Variants in IL5 observed in about 807,000 individuals in gnomAD.
The protein encoded by IL5 is interleukin-5.
IL5 carries 12 observed loss-of-function variants against 16.3 expected under a neutral mutation model. The observed-to-expected ratio is 0.74, with a 90% confidence interval of 0.47 to 1.20. IL5 has a LOEUF of 1.20. IL5 is among the 50% of genes most tolerant of loss of function. The pLI is 0.00. For synonymous variants in IL5, 54 were observed against 56.6 expected (o/e 0.95, Z 0.21); for missense variants, 159 against 153.9 (o/e 1.03, Z -0.17).
intron 1 of IL5, among the ~76,000 whole-genome samples, chr5:132,549,521 TAGAA>T (rs1366914950): frequency 4.6e-5 from 7 of 152,280 alleles, no homozygotes; most frequent in African/African-American, 9.6e-5. Flanking sequence ...TTTAGGGAAA[TAGAA>T]AGAAATAAAC....
rs763948549 is a variant in IL5 at position 132,542,023 on chromosome 5, C to T, written c.298G>A (p.Gly100Ser). The T allele has an allele frequency of 1.2e-5, 20 of 1,613,568 alleles. No homozygotes were observed. Among genetic ancestry groups the T allele is most frequent in the South Asian group, 1.1e-5 (1 of 91,024 alleles). ...NLSLIKKYID[G>S]QKKKCGEERR... The stretch of plus-strand genomic sequence containing the variant: ...GAATGTGTGTAACTTACTTTTTGGC[C>T]GTCAATGTATTTCTTTATTAAGGAC... Residue 100 changes from glycine to serine, a missense_variant, in exon 3 of 4, where the codon GGC (glycine) becomes AGC (serine). Gly to Ser is a moderately conservative substitution (Grantham distance 56). Transcript: ENST00000231454.
At chr5:132,555,783 G>A (rs914056728) in intron 1 of IL5, among the ~76,000 whole-genome samples, 1 of 152,158 alleles carries the variant, frequency 6.6e-6, no homozygotes, top group Non-Finnish European at 1.5e-5. Flanking sequence ...CCAAAGTGCT[G>A]GGATTACAGG....
intron 1 of IL5, among the ~76,000 whole-genome samples, chr5:132,552,225 C>T (rs928337943): frequency 1.1e-4 from 17 of 151,620 alleles, no homozygotes; most frequent in Non-Finnish European, 8.9e-5. Flanking sequence ...GCCGAGATTG[C>T]GCCACTGCAC....
Position 132,541,775 on chromosome 5 carries a change from C to T in IL5, c.*36G>A. 2 of 1,395,412 alleles carry T rather than the reference C, an allele frequency of 1.4e-6. No homozygotes were observed. Among genetic ancestry groups the T allele is most frequent in the Non-Finnish European group, 2.0e-6 (2 of 986,552 alleles). 86.4% of individuals were successfully genotyped at this position (1,395,412 alleles called of 1,614,324 possible). A position where few individuals can be genotyped will look rare whatever the true frequency, so the allele number is the denominator to read the frequency against. On this transcript the variant is annotated 3_prime_UTR_variant, in exon 4 of 4. Coordinates refer to ENST00000231454, the MANE Select transcript of IL5 (RefSeq NM_000879.3). The stretch of plus-strand genomic sequence containing the variant: ...CTCACTGCAGTAAAATGTCCTTCTC[C>T]TCCAAAATCTTTGGCTGCAACAAAC...
upstream of IL5, among the ~76,000 whole-genome samples, chr5:132,547,592 A>C (rs935939425): frequency 3.3e-5 from 5 of 152,220 alleles, no homozygotes; most frequent in African/African-American, 9.7e-5. Flanking sequence ...CAACGGGCAC[A>C]ACTAAGGGAA....
chr5:132,544,875 G>A (rs1045900932), upstream of IL5, among the ~76,000 whole-genome samples: 1 of 152,198 alleles, frequency 6.6e-6, no homozygotes, highest in Non-Finnish European at 1.5e-5. Context: ...AGTAGAGGCA[G>A]CTGGGAGGTA....
In IL5 at chr5:132,554,134, G is replaced by A. The variant is rs190993543; in HGVS notation, c.42+2540C>T. On this transcript the variant is annotated intron_variant, in intron 1 of 2. Transcript: ENST00000450655. ...TGTAATCCCAGCACTTTGGGAGGCC[G>A]AGGCGGGTGGATCACAAGGTTAGGA... 3.0e-4 allele frequency among the ~76,000 whole-genome samples: 46 copies of A among 151,974 alleles called. 1 individual carries two copies. The East Asian group carries it at 8.7e-3, about 29-fold the overall frequency.
intron 2 of IL5, among the ~76,000 whole-genome samples, 176 bp from the exon 3 acceptor site, chr5:132,542,319 G>A (rs1749710631): frequency 6.6e-6 from 1 of 152,054 alleles, no homozygotes; most frequent in Non-Finnish European, 1.5e-5. Context: ...GGTCCACAAA[G>A]TTAGGCTTTG....
chr5:132,552,191 C>A (rs919704737), intron 1 of IL5, among the ~76,000 whole-genome samples: 2 of 152,094 alleles, frequency 1.3e-5, no homozygotes, highest in East Asian at 1.9e-4. Flanking sequence ...ATCGCTTGAA[C>A]CCGGGAGGCA....
chr5:132,555,136 G>A (rs1749953501), intron 1 of IL5, among the ~76,000 whole-genome samples: 1 of 152,144 alleles, frequency 6.6e-6, no homozygotes, highest in Non-Finnish European at 1.5e-5. Context: ...GGCCCAGCTC[G>A]GGTGGTAATG....
intron 1 of IL5, among the ~76,000 whole-genome samples, chr5:132,548,980 C>T (rs1344404328): frequency 1.3e-5 from 2 of 152,246 alleles, no homozygotes; most frequent in Admixed American, 6.5e-5. Context: ...TGTTATACAT[C>T]GTTTCCCTTA....
chr5:132,548,185 C>T (rs528358054), upstream of IL5, among the ~76,000 whole-genome samples: 36 of 148,842 alleles, frequency 2.4e-4, no homozygotes, highest in South Asian at 6.6e-3. Flanking sequence ...CAATCGGGCC[C>T]AAGAGTTTAA....
chr5:132,549,409 T>G (rs1220405721), intron 1 of IL5, among the ~76,000 whole-genome samples: 1 of 152,204 alleles, frequency 6.6e-6, no homozygotes, highest in Non-Finnish European at 1.5e-5. Context: ...ACAGGAGTTC[T>G]TTGGCAGAAC....
intron 1 of IL5, among the ~76,000 whole-genome samples, chr5:132,555,672 T>C (rs1749968650): frequency 6.6e-6 from 1 of 152,162 alleles, no homozygotes. Flanking sequence ...CCTGCCACCA[T>C]GCCCGGCTAA....
intron 1 of IL5, among the ~76,000 whole-genome samples, chr5:132,550,597 C>T (rs1369531141): frequency 6.7e-6 from 1 of 148,786 alleles, no homozygotes; most frequent in Non-Finnish European, 1.5e-5. Flanking sequence ...GCTGGGATTA[C>T]AGGTGTGAGC....
chr5:132,543,570 A>G, upstream of IL5: 1 of 1,323,548 alleles, frequency 7.6e-7, no homozygotes, highest in South Asian at 1.7e-5. Flanking sequence ...CTTTGAGGAA[A>G]TGAATAATTT....
chr5:132,545,113 G>A (rs1749763153), upstream of IL5, among the ~76,000 whole-genome samples: 1 of 152,164 alleles, frequency 6.6e-6, no homozygotes, highest in Admixed American at 6.5e-5. Flanking sequence ...TCGGGAGTGA[G>A]ATTTTCGGGA....
chr5:132,545,937 A>G (rs910224516), upstream of IL5, among the ~76,000 whole-genome samples: 1 of 152,078 alleles, frequency 6.6e-6, no homozygotes, highest in Non-Finnish European at 1.5e-5. Flanking sequence ...AAACAAACAA[A>G]AAAACAAAAA....
At chr5:132,555,079 A>T (rs1360899467) in intron 1 of IL5, among the ~76,000 whole-genome samples, 1 of 152,144 alleles carries the variant, frequency 6.6e-6, no homozygotes, top group East Asian at 1.9e-4. Flanking sequence ...GGCAGTTCAA[A>T]ATACGGTTTG....
Sources: allele counts gnomAD v4.1 joint callset (sites outside exome capture counted in the v4.1 genomes callset), GRCh38; gene constraint gnomAD v4.1.1; transcripts MANE v1.5; gene names NCBI Gene and HGNC (gene_info 2026-07-23, HGNC 2026-07-21).